CDH4: variants seen among roughly 807,000 people sequenced by gnomAD.
CDH4 encodes the protein cadherin-4.
In CDH4, 33 loss-of-function variants were observed where a neutral mutation model predicts 86.0. The observed-to-expected ratio is 0.38, with a 90% confidence interval of 0.29 to 0.51. The LOEUF (loss-of-function observed/expected upper bound fraction) is 0.51. Ranked by LOEUF, CDH4 falls within the 20% of genes least tolerant of loss-of-function variation. The pLI, the probability that CDH4 is intolerant of heterozygous loss-of-function variation, is 0.86. For missense variants in CDH4, 1,114 were observed against 1,307.4 expected (o/e 0.85, Z 2.28); for synonymous variants, 555 against 549.4 (o/e 1.01, Z -0.14).
At chr20:61,735,270 G>C (rs534031231) in intron 2 of CDH4, among the ~76,000 whole-genome samples, 155 of 152,318 alleles carry the variant, frequency 1.0e-3, no homozygotes, top group African/African-American at 3.5e-3. Context: ...CCCAGAAGCT[G>C]CTTTTTTAAA....
At chr20:61,889,709 TGATG>T (rs1403566600) in intron 7 of CDH4, among the ~76,000 whole-genome samples, 7 of 146,190 alleles carry the variant, frequency 4.8e-5, no homozygotes, top group South Asian at 2.2e-4. Context: ...GATGGATAGA[TGATG>T]GATGGATGGA....
At chr20:61,745,866 T>C (rs1221378820) in intron 3 of CDH4, among the ~76,000 whole-genome samples, 2 of 152,240 alleles carry the variant, frequency 1.3e-5, no homozygotes, top group Admixed American at 6.5e-5. Context: ...ATTGAAAATA[T>C]AATGACACCT....
chr20:61,444,034 G>T (rs929876773), intron 2 of CDH4, among the ~76,000 whole-genome samples: 1 of 139,124 alleles, frequency 7.2e-6, no homozygotes, highest in Non-Finnish European at 1.6e-5. Flanking sequence ...CTATGTGTGT[G>T]TATCTTTGTG....
At chr20:61,457,736 T>C (rs6089705) in intron 2 of CDH4, among the ~76,000 whole-genome samples, 4,625 of 148,402 alleles carry the variant, frequency 0.031, 106 homozygotes, top group Non-Finnish European at 0.044. Context: ...CTGACACTGG[T>C]GGTGGCGGTG....
chr20:61,607,250 A>G (rs2086652880), intron 2 of CDH4, among the ~76,000 whole-genome samples: 1 of 152,208 alleles, frequency 6.6e-6, no homozygotes, highest in African/African-American at 2.4e-5. Flanking sequence ...AGGGTGCACT[A>G]ACTGAGATGT....
intron 2 of CDH4, among the ~76,000 whole-genome samples, chr20:61,445,750 G>C (rs905310604): frequency 3.3e-5 from 5 of 152,244 alleles, no homozygotes; most frequent in African/African-American, 9.6e-5. Flanking sequence ...CCATGTTGCA[G>C]CATTAAAGGT....
chr20:61,309,529 A>T (rs1257308177), intron 2 of CDH4, among the ~76,000 whole-genome samples: 1 of 152,138 alleles, frequency 6.6e-6, no homozygotes, highest in Admixed American at 6.5e-5. Context: ...TTAGCAGTGG[A>T]TATGGGGTTG....
At chr20:61,841,868 T>C (rs190353865) in intron 4 of CDH4, among the ~76,000 whole-genome samples, 250 of 152,340 alleles carry the variant, frequency 1.6e-3, no homozygotes, top group Non-Finnish European at 3.0e-3. Flanking sequence ...GGCGCCTTTA[T>C]GATGGAAACA....
At chr20:61,701,161 C>T (rs1412207430) in intron 2 of CDH4, among the ~76,000 whole-genome samples, 1 of 152,208 alleles carries the variant, frequency 6.6e-6, no homozygotes, top group African/African-American at 2.4e-5. Flanking sequence ...ATCGCCTTCC[C>T]TCTGGGAGTG....
chr20:61,322,662 T>G (rs1361838997), intron 2 of CDH4, among the ~76,000 whole-genome samples: 1 of 152,132 alleles, frequency 6.6e-6, no homozygotes, highest in Non-Finnish European at 1.5e-5. Flanking sequence ...CAAGGCTGTT[T>G]GCCAGCCACA....
chr20:61,758,392 G>A (rs759345814), intron 3 of CDH4, among the ~76,000 whole-genome samples: 19 of 152,202 alleles, frequency 1.2e-4, no homozygotes, highest in Non-Finnish European at 1.9e-4. Flanking sequence ...GGCCCTGCCC[G>A]TATTGTGGTG....
At chr20:61,706,129 GGCCCGACGCCT>G (rs1049163289) in intron 2 of CDH4, among the ~76,000 whole-genome samples, 2 of 152,194 alleles carry the variant, frequency 1.3e-5, no homozygotes, top group Non-Finnish European at 2.9e-5. Context: ...AGGAACAGCC[GGCCCGACGCCT>G]GCCCGGCGCC....
intron 2 of CDH4, among the ~76,000 whole-genome samples, chr20:61,425,846 T>G (rs867270878): frequency 3.3e-5 from 5 of 150,538 alleles, no homozygotes; most frequent in African/African-American, 9.8e-5. Context: ...TTGCAGTACA[T>G]TCTCAAAGGC....
intron 2 of CDH4, among the ~76,000 whole-genome samples, chr20:61,612,681 C>T (rs939868124): frequency 1.4e-4 from 22 of 152,064 alleles, no homozygotes; most frequent in Non-Finnish European, 3.1e-4. Flanking sequence ...CCCTTCATTC[C>T]GATGTTACAG....
In CDH4 at chr20:61,509,256, CCCACCGTCAG is replaced by C. The variant is rs371721543; in HGVS notation, c.170-234303_170-234294del. ...AAGCAGAATCCCCAGCTCTCAGAGC[CCCACCGTCAG>C]CCAGCGCCTAAACTATGCCTCCTGC... On this transcript the variant is annotated intron_variant, in intron 2 of 15. Transcript: ENST00000614565. Among the ~76,000 whole-genome samples the C allele has an allele frequency of 4.9e-3, 737 of 151,926 alleles. 6 individuals are homozygous for C. Among genetic ancestry groups the C allele is most frequent in the African/African-American group, 0.017 (714 of 41,416 alleles).
At chr20:61,743,829 G>T in intron 3 of CDH4, 40 bp downstream of exon 3, 2 of 1,453,070 alleles carry the variant, frequency 1.4e-6, no homozygotes, top group South Asian at 1.2e-5. Flanking sequence ...GAGTTTAGAT[G>T]ACCTAGTTCC....
intron 2 of CDH4, among the ~76,000 whole-genome samples, chr20:61,592,027 T>C (rs2086522601): frequency 6.6e-6 from 1 of 152,166 alleles, no homozygotes; most frequent in Admixed American, 6.5e-5. Flanking sequence ...GCTATCTGCC[T>C]AACAGTCAAA....
At chr20:61,284,290 G>A (rs546211049) in intron 2 of CDH4, among the ~76,000 whole-genome samples, 1 of 152,220 alleles carries the variant, frequency 6.6e-6, no homozygotes, top group East Asian at 1.9e-4. Context: ...CTCCAGCCTG[G>A]GCAATAGAGC....
chr20:61,292,153 A>T (rs960290750), intron 2 of CDH4, among the ~76,000 whole-genome samples: 1 of 152,216 alleles, frequency 6.6e-6, no homozygotes, highest in Non-Finnish European at 1.5e-5. Flanking sequence ...AGAGGAATGT[A>T]AATCATTCTA....
Sources: allele counts gnomAD v4.1 joint callset (sites outside exome capture counted in the v4.1 genomes callset), GRCh38; gene constraint gnomAD v4.1.1; transcripts MANE v1.5; gene names NCBI Gene and HGNC (gene_info 2026-07-23, HGNC 2026-07-21).